PRKN: variants seen among roughly 807,000 people sequenced by gnomAD.
The protein encoded by PRKN is parkin RBR E3 ubiquitin protein ligase.
Under a neutral mutation model 59.5 loss-of-function variants are expected in PRKN, and 56 were observed. The ratio of observed to expected loss-of-function variants is 0.94; its 90% CI spans 0.76 to 1.18. PRKN has a LOEUF of 1.18. Among genes scored for constraint, PRKN ranks in the 50% most tolerant of loss-of-function variants. The probability of loss-of-function intolerance (pLI) is 0.00; values close to 1 mark genes in which losing one functional copy is unlikely to be tolerated. For missense variants in PRKN, 657 were observed against 596.4 expected, an observed-to-expected ratio of 1.10 and a Z score of -1.06; for synonymous variants, 250 against 222.1, an observed-to-expected ratio of 1.13 and a Z score of -1.12.
At chr6:162,522,322 C>T (rs1201950739) in intron 1 of PRKN, among the ~76,000 whole-genome samples, 1 of 152,140 alleles carries the variant, frequency 6.6e-6, no homozygotes, top group African/African-American at 2.4e-5. Flanking sequence ...TGGGGTTTTG[C>T]CATGGTGCCC....
chr6:161,693,898 T>C (rs1785909744), intron 7 of PRKN, among the ~76,000 whole-genome samples: 1 of 152,218 alleles, frequency 6.6e-6, no homozygotes, highest in Admixed American at 6.5e-5. Flanking sequence ...GGAAAATATT[T>C]ACCGTATATC....
At position 161,359,087 on chromosome 6, in the gene PRKN, C is replaced by T. The variant is rs940047694; in HGVS notation, c.1285+1001G>A. The stretch of plus-strand genomic sequence containing the variant: ...GGGATTACAGGCGTGAGCCACCGCG[C>T]CCGGCCGCCTTCTGCTCTTTATAGG... On this transcript the variant is annotated intron_variant, in intron 11 of 11. Transcript: ENST00000366898. This position sits in a 1 kb window ranked among gnomAD's most constrained non-coding sequence, Gnocchi z 5.4. Among the ~76,000 whole-genome samples the T allele has an allele frequency of 1.3e-5, 2 of 152,204 alleles. No homozygotes were observed. Among genetic ancestry groups the T allele is most frequent in the Non-Finnish European group, 2.9e-5 (2 of 68,030 alleles).
chr6:162,257,191 C>T (rs999564289), intron 3 of PRKN, among the ~76,000 whole-genome samples: 2 of 152,128 alleles, frequency 1.3e-5, no homozygotes, highest in Non-Finnish European at 2.9e-5. Flanking sequence ...AAACATGGGG[C>T]TGGGTGTGGT....
intron 1 of PRKN, among the ~76,000 whole-genome samples, chr6:162,584,212 CAAAAAA>C (rs777161921): frequency 1.1e-5 from 1 of 91,288 alleles, no homozygotes; most frequent in Non-Finnish European, 2.4e-5. Context: ...GACTCCGTCT[CAAAAAA>C]AAAAAACAAA....
chr6:162,514,935 CATTAG>C (rs1456492240), intron 1 of PRKN, among the ~76,000 whole-genome samples: 1 of 151,838 alleles, frequency 6.6e-6, no homozygotes, highest in Non-Finnish European at 1.5e-5. Flanking sequence ...ATATTGCAGA[CATTAG>C]ATTGATGTTT....
intron 4 of PRKN, among the ~76,000 whole-genome samples, chr6:162,169,377 C>T (rs73592373): frequency 0.034 from 5,239 of 152,224 alleles, 233 homozygotes; most frequent in East Asian, 0.11. Flanking sequence ...CAAGATTCTA[C>T]AGTTATAAAT....
chr6:161,863,041 G>A (rs1403808597), intron 6 of PRKN, among the ~76,000 whole-genome samples: 22 of 152,134 alleles, frequency 1.4e-4, no homozygotes, highest in Admixed American at 1.2e-3. Context: ...AGCTGCTTTT[G>A]TGTTCATATG....
intron 2 of PRKN, among the ~76,000 whole-genome samples, chr6:162,347,586 A>T (rs1242411682): frequency 6.6e-6 from 1 of 152,066 alleles, no homozygotes; most frequent in African/African-American, 2.4e-5. Flanking sequence ...ATTATTTGTG[A>T]TGAATATCAC....
In PRKN at chr6:162,114,762, C is replaced by T. The variant is rs201134847; in HGVS notation, c.535-60588G>A. 6.1e-3 allele frequency among the ~76,000 whole-genome samples: 922 copies of T among 151,486 alleles called. 21 individuals carry two copies. Among genetic ancestry groups the T allele is most frequent in the Admixed American group, 0.042 (634 of 15,232 alleles). On this transcript the variant is annotated intron_variant, in intron 4 of 11. Transcript: ENST00000366898. ...TGAAAAAATGCTCACCATCACTGGC[C>T]ATCAGAGAAATGCAAATCAAAACCA... is the stretch of plus-strand genomic sequence containing the variant.
intron 7 of PRKN, among the ~76,000 whole-genome samples, chr6:161,777,637 C>CCAGTGTAATTT (rs1789981188): frequency 7.0e-6 from 1 of 143,246 alleles, no homozygotes; most frequent in African/African-American, 2.6e-5. Context: ...GCTAACTCTA[C>CCAGTGTAATTT]GGATATTCTC....
intron 8 of PRKN, among the ~76,000 whole-genome samples, chr6:161,559,636 C>G (rs1226920512): frequency 6.6e-6 from 1 of 152,104 alleles, no homozygotes; most frequent in African/African-American, 2.4e-5. Flanking sequence ...ATTTTCACCT[C>G]TCTTCTTTCT....
At chr6:161,946,412 A>ACTCTCTCTCT (rs1397205372) in intron 6 of PRKN, among the ~76,000 whole-genome samples, 8 of 94,210 alleles carry the variant, frequency 8.5e-5, no homozygotes, top group African/African-American at 2.6e-4. Context: ...ACACACACAC[A>ACTCTCTCTCT]CACTCTCTCT....
At chr6:162,147,394 T>C (rs1267871233) in intron 4 of PRKN, among the ~76,000 whole-genome samples, 1 of 151,334 alleles carries the variant, frequency 6.6e-6, no homozygotes, top group Non-Finnish European at 1.5e-5. Context: ...CACGTCTATG[T>C]TGGCTACTTC....
intron 1 of PRKN, among the ~76,000 whole-genome samples, chr6:162,447,171 T>C (rs1233419144): frequency 6.6e-6 from 1 of 152,154 alleles, no homozygotes; most frequent in South Asian, 2.1e-4. Flanking sequence ...CAAAAATAGT[T>C]CCCTATTCTA....
At chr6:162,565,101 A>G (rs1780003716) in intron 1 of PRKN, among the ~76,000 whole-genome samples, 1 of 152,208 alleles carries the variant, frequency 6.6e-6, no homozygotes, top group South Asian at 2.1e-4. Context: ...ACACAATAAA[A>G]AGTTAAAATG....
intron 3 of PRKN, among the ~76,000 whole-genome samples, chr6:162,211,310 A>G (rs898446378): frequency 6.6e-5 from 10 of 152,156 alleles, no homozygotes; most frequent in Non-Finnish European, 2.9e-5. Context: ...ATTCCCATTA[A>G]TGTTTTAAAG....
At chr6:162,389,085 T>C (rs1358183147) in intron 2 of PRKN, among the ~76,000 whole-genome samples, 1 of 151,404 alleles carries the variant, frequency 6.6e-6, no homozygotes, top group African/African-American at 2.4e-5. Context: ...AGTAAGGTGC[T>C]AGCCCTTCCC....
chr6:162,151,063 C>T (rs759742218), intron 4 of PRKN, among the ~76,000 whole-genome samples: 8 of 152,090 alleles, frequency 5.3e-5, no homozygotes, highest in Non-Finnish European at 8.8e-5. Context: ...AGGGACGATC[C>T]TAAATTAAGA....
intron 1 of PRKN, among the ~76,000 whole-genome samples, chr6:162,615,792 T>C (rs1233643872): frequency 6.6e-6 from 1 of 152,206 alleles, no homozygotes; most frequent in African/African-American, 2.4e-5. Flanking sequence ...AAGAACGACT[T>C]GCAAAACCCT....
Sources: gnomAD v4.1 joint callset for allele counts (sites outside exome capture counted in the v4.1 genomes callset) on GRCh38, gnomAD v4.1.1 for gene constraint, Gnocchi (gnomAD v3.1) non-coding constraint, MANE v1.5 for transcripts, NCBI Gene and HGNC (gene_info 2026-07-23, HGNC 2026-07-21) for gene names.